COL14A1: variants seen among roughly 807,000 people sequenced by gnomAD.
COL14A1 encodes collagen alpha-1(XIV) chain.
In COL14A1, 136 loss-of-function variants were observed where a neutral mutation model predicts 230.3. That is an observed-to-expected ratio of 0.59 (90% CI 0.51 to 0.68). The LOEUF (loss-of-function observed/expected upper bound fraction) is 0.68, where lower values mean the gene tolerates loss of function less well. COL14A1 is among the 30% of genes least tolerant of loss of function. The pLI is 0.00. For missense variants in COL14A1, 1,976 were observed against 2,215.8 expected (o/e 0.89, Z 2.17); for synonymous variants, 792 against 784.1 (o/e 1.01, Z -0.17).
At chr8:120,143,909 G>A (rs1188669738) in intron 1 of COL14A1, among the ~76,000 whole-genome samples, 1 of 151,432 alleles carries the variant, frequency 6.6e-6, no homozygotes, top group African/African-American at 2.4e-5. Flanking sequence ...CTTCCATTTG[G>A]GGGTAAATTA....
chr8:120,355,014 T>C (rs1167929837), intron 45 of COL14A1, among the ~76,000 whole-genome samples: 1 of 152,214 alleles, frequency 6.6e-6, no homozygotes. Flanking sequence ...GGCTTCTCAT[T>C]ATCCTAAAAT....
chr8:120,316,639 G>A (rs981992281), intron 40 of COL14A1, among the ~76,000 whole-genome samples: 9 of 152,092 alleles, frequency 5.9e-5, no homozygotes, highest in Non-Finnish European at 8.8e-5. Context: ...AGAGCCCTGT[G>A]AGAACACAAA....
intron 45 of COL14A1, among the ~76,000 whole-genome samples, chr8:120,358,243 G>A (rs1452881943): frequency 3.9e-5 from 6 of 152,110 alleles, no homozygotes; most frequent in Non-Finnish European, 8.8e-5. Flanking sequence ...TGTGACACAT[G>A]TCATTCAATA....
At chr8:120,330,157 A>G (rs1259192772) in intron 40 of COL14A1, among the ~76,000 whole-genome samples, 2 of 152,170 alleles carry the variant, frequency 1.3e-5, no homozygotes, top group Non-Finnish European at 2.9e-5. Flanking sequence ...AGAGGGTGCA[A>G]AACAGCTAAG....
intron 19 of COL14A1, 135 bp from the exon 20 acceptor site, chr8:120,243,744 C>T (rs1818679277): frequency 1.0e-6 from 1 of 969,498 alleles, no homozygotes; most frequent in African/African-American, 1.7e-5. Context: ...TGCATGAGTG[C>T]CCTTTCTTTT....
At chr8:120,294,317 G>T (rs1051890933) in intron 34 of COL14A1, among the ~76,000 whole-genome samples, 14 of 151,562 alleles carry the variant, frequency 9.2e-5, no homozygotes, top group Non-Finnish European at 1.5e-4. Flanking sequence ...TGCCTTTTGT[G>T]CTATACCAGG....
At chr8:120,327,251 A>G (rs568144878) in intron 40 of COL14A1, among the ~76,000 whole-genome samples, 2 of 152,132 alleles carry the variant, frequency 1.3e-5, no homozygotes, top group East Asian at 3.9e-4. Flanking sequence ...ACTGCTAACC[A>G]CTCATAATTG....
At chr8:120,279,868 T>C in intron 28 of COL14A1, 67 bp from the exon 29 acceptor site, 1 of 1,552,400 alleles carries the variant, frequency 6.4e-7, no homozygotes, top group Non-Finnish European at 8.8e-7. Flanking sequence ...TGGATGTGTC[T>C]TATATTACAT....
chr8:120,199,340 G>T, intron 7 of COL14A1, 62 bp from the exon 8 acceptor site: 1 of 1,433,026 alleles, frequency 7.0e-7, no homozygotes. Context: ...GTTATATCTT[G>T]AAGAATTAGG....
chr8:120,207,539 G>A (rs1292467110), intron 10 of COL14A1, among the ~76,000 whole-genome samples: 1 of 152,124 alleles, frequency 6.6e-6, no homozygotes, highest in Non-Finnish European at 1.5e-5. Flanking sequence ...GACATTTGTA[G>A]GGATTAGTGC....
chr8:120,146,385 G>T (rs1815090106), intron 1 of COL14A1, among the ~76,000 whole-genome samples: 1 of 151,962 alleles, frequency 6.6e-6, no homozygotes, highest in Non-Finnish European at 1.5e-5. Context: ...CTTCCTTCTT[G>T]CTTAGCTGCT....
intron 13 of COL14A1, among the ~76,000 whole-genome samples, chr8:120,215,007 T>C (rs1380024677): frequency 6.6e-6 from 1 of 152,126 alleles, no homozygotes; most frequent in Non-Finnish European, 1.5e-5. Context: ...GCTAGTGGCA[T>C]GGAAAAGGCA....
chr8:120,256,666 T>G (rs1021519735), intron 23 of COL14A1, among the ~76,000 whole-genome samples: 1 of 152,182 alleles, frequency 6.6e-6, no homozygotes, highest in Non-Finnish European at 1.5e-5. Flanking sequence ...ATTTATGGGA[T>G]GCCAAAAGTA....
intron 3 of COL14A1, among the ~76,000 whole-genome samples, chr8:120,162,201 A>C (rs1435851472): frequency 1.3e-5 from 2 of 152,258 alleles, no homozygotes; most frequent in Non-Finnish European, 2.9e-5. Flanking sequence ...GGTGCAATAC[A>C]CATATATACC....
At chr8:120,135,471 G>T (rs897256691) in intron 1 of COL14A1, among the ~76,000 whole-genome samples, 15 of 152,186 alleles carry the variant, frequency 9.9e-5, no homozygotes, top group East Asian at 5.8e-4. Flanking sequence ...CACCATATTG[G>T]TCAGGCTGGT....
intron 45 of COL14A1, among the ~76,000 whole-genome samples, chr8:120,354,190 A>G (rs1371489169): frequency 2.7e-5 from 3 of 111,312 alleles, no homozygotes; most frequent in African/African-American, 7.4e-5. Context: ...GAATTGAACA[A>G]TGAGATCACA....
intron 3 of COL14A1, among the ~76,000 whole-genome samples, chr8:120,160,552 A>G (rs1815629966): frequency 6.6e-6 from 1 of 152,192 alleles, no homozygotes. Flanking sequence ...ATCTCCCATG[A>G]TAAAATAAAA....
chr8:120,275,059 A>C (rs1351585396), intron 26 of COL14A1, among the ~76,000 whole-genome samples: 2 of 152,050 alleles, frequency 1.3e-5, no homozygotes, highest in Non-Finnish European at 2.9e-5. Context: ...AAAAGAAAAA[A>C]ATCTGGAGGC....
intron 34 of COL14A1, among the ~76,000 whole-genome samples, chr8:120,294,258 A>G (rs1379821268): frequency 2.0e-5 from 3 of 151,810 alleles, no homozygotes; most frequent in African/African-American, 7.2e-5. Context: ...TCAACTGCTA[A>G]GAAATATTTT....
Sources: gnomAD v4.1 joint callset for allele counts (sites outside exome capture counted in the v4.1 genomes callset) on GRCh38, gnomAD v4.1.1 for gene constraint, MANE v1.5 for transcripts, NCBI Gene and HGNC (gene_info 2026-07-23, HGNC 2026-07-21) for gene names.